The following FANCM variants were observed in gnomAD, a reference collection of about 807,000 sequenced individuals.
FANCM encodes FA complementation group M, also known as Fanconi anemia group M protein.
FANCM carries 140 observed loss-of-function variants against 199.5 expected under a neutral mutation model. That is an observed-to-expected ratio of 0.70 (90% CI 0.61 to 0.81). The LOEUF (loss-of-function observed/expected upper bound fraction) is 0.81, where lower values mean the gene tolerates loss of function less well. FANCM is among the 30% of genes least tolerant of loss of function. The pLI is 0.00. For missense variants in FANCM, 2,410 were observed against 2,421.4 expected, an observed-to-expected ratio of 1.00 and a Z score of 0.10; for synonymous variants, 840 against 836.8, an observed-to-expected ratio of 1.00 and a Z score of -0.07.
intron 10 of FANCM, among the ~76,000 whole-genome samples, chr14:45,166,085 C>T (rs1287327943): frequency 1.3e-5 from 2 of 151,530 alleles, no homozygotes; most frequent in African/African-American, 4.9e-5. Flanking sequence ...AGTATAACTG[C>T]TAAGGTGGGC....
Position 45,175,929 on chromosome 14 carries a change from T to C in FANCM, c.3175T>C (p.Tyr1059His), listed in dbSNP as rs755723099. 9.3e-6 allele frequency: 15 copies of C among 1,613,102 alleles called. No homozygotes were observed. The highest frequency in any genetic ancestry group is 1.3e-5 in the African/African-American group (1 of 75,030). Residue 1059 changes from tyrosine to histidine, a missense_variant, in exon 14 of 23, where the codon TAT (tyrosine) becomes CAT (histidine). Transcript: ENST00000267430. Reference protein sequence around the residue: ...LELNSLKCINYPSEKSCLYDI... With the variant: ...LELNSLKCINHPSEKSCLYDI... ...ATTGAATTCACTTAAATGTATAAAT[T>C]ATCCATCTGAAAAAAGTTGCCTTTA... is the stretch of plus-strand genomic sequence containing the variant.
intron 16 of FANCM, 82 bp downstream of exon 16, chr14:45,181,787 A>G: frequency 2.4e-6 from 2 of 825,700 alleles, no homozygotes; most frequent in South Asian, 2.9e-5. Flanking sequence ...GTAGATAAAT[A>G]TAGGTATTTT....
At chr14:45,169,352 A>G (rs933728595) in intron 11 of FANCM, among the ~76,000 whole-genome samples, 2 of 151,224 alleles carry the variant, frequency 1.3e-5, no homozygotes, top group Non-Finnish European at 2.9e-5. Flanking sequence ...ATGAGGAAAC[A>G]GATGCAGAGA....
intron 20 of FANCM, among the ~76,000 whole-genome samples, chr14:45,193,733 A>C (rs1298113747): frequency 1.3e-5 from 2 of 151,178 alleles, no homozygotes; most frequent in East Asian, 3.9e-4. Context: ...AGAAATTTTG[A>C]AGTTGGTAAG....
At chr14:45,152,683 T>C (rs1250341886) in intron 5 of FANCM, among the ~76,000 whole-genome samples, 2 of 152,108 alleles carry the variant, frequency 1.3e-5, no homozygotes, top group Non-Finnish European at 1.5e-5. Flanking sequence ...GCAGACCAAT[T>C]TGGCTGAGGA....
intron 8 of FANCM, among the ~76,000 whole-genome samples, chr14:45,157,087 AT>A (rs1193988854): frequency 4.6e-5 from 7 of 152,164 alleles, no homozygotes; most frequent in Non-Finnish European, 1.0e-4. Flanking sequence ...TTCACAATGT[AT>A]ATAGACATCT....
intron 10 of FANCM, among the ~76,000 whole-genome samples, chr14:45,165,947 A>G (rs111648660): frequency 0.016 from 2,434 of 152,324 alleles, 69 homozygotes; most frequent in African/African-American, 0.046. Flanking sequence ...GGAAACTGAA[A>G]TGTAGAAAAA....
Position 45,181,618 on chromosome 14 carries a change from C to T in FANCM, c.4318-19C>T, listed in dbSNP as rs766895809. The T allele has an allele frequency of 1.3e-6, 2 of 1,598,134 alleles. No homozygotes were observed. Among genetic ancestry groups the T allele is most frequent in the South Asian group, 2.2e-5 (2 of 90,674 alleles). On this transcript the variant is annotated intron_variant, in intron 15 of 22. Transcript: ENST00000267430. ...CTGCTGAGACTTTTGTTGCCTTTTACTTTATTTACTTACTTTAGGATCAGA... is the reference window on the plus strand; with the variant it reads ...CTGCTGAGACTTTTGTTGCCTTTTATTTTATTTACTTACTTTAGGATCAGA...
chr14:45,158,072 G>T (rs1887323343), intron 8 of FANCM, among the ~76,000 whole-genome samples: 1 of 152,034 alleles, frequency 6.6e-6, no homozygotes, highest in Admixed American at 6.6e-5. Context: ...GGTGGCATGA[G>T]CCTGTAGTCC....
intron 17 of FANCM, among the ~76,000 whole-genome samples, chr14:45,184,632 G>A (rs1343786773): frequency 2.8e-5 from 4 of 142,622 alleles, no homozygotes; most frequent in Non-Finnish European, 6.0e-5. Flanking sequence ...CTGCACTCCC[G>A]CCTGGGCAAC....
At chr14:45,158,799 A>C (rs1887374080) in intron 8 of FANCM, among the ~76,000 whole-genome samples, 1 of 152,142 alleles carries the variant, frequency 6.6e-6, no homozygotes, top group Non-Finnish European at 1.5e-5. Flanking sequence ...ATATAGTTTA[A>C]AAAATTTCAA....
chr14:45,169,444 G>A (rs1414306787), intron 11 of FANCM, among the ~76,000 whole-genome samples: 1 of 149,336 alleles, frequency 6.7e-6, no homozygotes, highest in Non-Finnish European at 1.5e-5. Flanking sequence ...TCTTACACAA[G>A]TTTGGAATAC....
At chr14:45,197,316 G>A (rs745546572) in intron 21 of FANCM, among the ~76,000 whole-genome samples, 4 of 152,138 alleles carry the variant, frequency 2.6e-5, no homozygotes, top group Non-Finnish European at 2.9e-5. Flanking sequence ...AAGCCACTGC[G>A]GAAGAATTGA....
At chr14:45,144,677 A>G (rs746148482) in intron 3 of FANCM, among the ~76,000 whole-genome samples, 6 of 152,118 alleles carry the variant, frequency 3.9e-5, no homozygotes, top group Admixed American at 6.5e-5. Flanking sequence ...TTAAGGCCCA[A>G]GGACTCTTCA....
rs1288173954 is a variant in FANCM, at chr14:45,158,597, CTT to C, written c.1397-498_1397-497del. Among the ~76,000 whole-genome samples, 4 of 152,046 alleles carry C rather than the reference CTT, an allele frequency of 2.6e-5. No homozygotes were observed. In the South Asian group the frequency reaches 6.2e-4, roughly 24 times the overall value. On this transcript the variant is annotated intron_variant, in intron 8 of 22. Transcript: ENST00000267430. ...TAGTGAACAGAAAGGAAAGGGAAGACTTATGAAATTAGGGGGAGCTGCATAGT... is the reference window on the plus strand; with the variant it reads ...TAGTGAACAGAAAGGAAAGGGAAGACATGAAATTAGGGGGAGCTGCATAGT...
chr14:45,165,327 C>G, intron 10 of FANCM, among the ~76,000 whole-genome samples: 1 of 152,264 alleles, frequency 6.6e-6, no homozygotes, highest in South Asian at 2.1e-4. Context: ...AGGAGGCTCA[C>G]TTGAGGTCAG....
In FANCM at chr14:45,184,025, C is replaced by T. The variant is rs868530276; in HGVS notation, c.4515+123C>T. 4.7e-5 allele frequency: 32 copies of T among 685,030 alleles called. No individual in the cohort carries two copies. In the African/African-American group the frequency reaches 5.2e-4, roughly 11 times the overall value. The allele number at this position is 685,030 out of a possible 1,614,324, so 42.4% of individuals were successfully genotyped here. A position where few individuals can be genotyped will look rare whatever the true frequency, so the allele number is the denominator to read the frequency against. On this transcript the variant is annotated intron_variant, in intron 17 of 22. Coordinates refer to ENST00000267430, the MANE Select transcript of FANCM (RefSeq NM_020937.4). ...AGAAAAAAATTAAGTATTTTGACACCCATTTAGATTTTTTTTACTGGAATT... is the reference window on the plus strand; with the variant it reads ...AGAAAAAAATTAAGTATTTTGACACTCATTTAGATTTTTTTTACTGGAATT...
At chr14:45,167,451 A>G (rs545157835) in intron 11 of FANCM, 1 of 362,214 alleles carries the variant, frequency 2.8e-6, no homozygotes, top group African/African-American at 2.1e-5. Flanking sequence ...TTTATTTTTT[A>G]ATAAGCATTA....
intron 20 of FANCM, among the ~76,000 whole-genome samples, chr14:45,192,909 C>A (rs1273373299): frequency 6.6e-6 from 1 of 152,120 alleles, no homozygotes; most frequent in Non-Finnish European, 1.5e-5. Flanking sequence ...AAGTTTAGAA[C>A]CCCTGGGAGT....
Sources: gnomAD v4.1 joint callset for allele counts (sites outside exome capture counted in the v4.1 genomes callset) on GRCh38, gnomAD v4.1.1 for gene constraint, MANE v1.5 for transcripts, NCBI Gene and HGNC (gene_info 2026-07-23, HGNC 2026-07-21) for gene names.